The following OR56A3 variants were observed in gnomAD, a reference collection of about 807,000 sequenced individuals.
The protein encoded by OR56A3 is olfactory receptor 56A3.
A neutral mutation model predicts 17.5 loss-of-function variants in OR56A3; 23 were observed. The observed-to-expected ratio is 1.32, with a 90% confidence interval of 0.95 to 1.87. The LOEUF (loss-of-function observed/expected upper bound fraction) is 1.87. Ranked by LOEUF, OR56A3 falls within the 40% of genes most tolerant of loss-of-function variation. The pLI is 0.00. For missense variants in OR56A3, 366 were observed against 380.1 expected, an observed-to-expected ratio of 0.96 and a Z score of 0.31; for synonymous variants, 175 against 150.6, an observed-to-expected ratio of 1.16 and a Z score of -1.19.
chr11:5,974,797 C>T, the OR56A3 span, among the ~76,000 whole-genome samples: 29 of 152,142 alleles, frequency 1.9e-4, no homozygotes, highest in Admixed American at 1.2e-3. Flanking sequence ...TTTAATATGA[C>T]GATAGTAATA....
the OR56A3 span, among the ~76,000 whole-genome samples, chr11:5,966,588 A>T: frequency 1.3e-5 from 2 of 152,100 alleles, no homozygotes; most frequent in African/African-American, 4.8e-5. Flanking sequence ...CTATATACTG[A>T]TCAGAGCATG....
the OR56A3 span, among the ~76,000 whole-genome samples, chr11:5,980,444 G>C: frequency 0.022 from 3,321 of 152,134 alleles, 50 homozygotes; most frequent in South Asian, 0.04. Context: ...GCCCATCTTT[G>C]TCCTCATTGA....
At chr11:5,956,731 A>G in the OR56A3 span, among the ~76,000 whole-genome samples, 1 of 152,108 alleles carries the variant, frequency 6.6e-6, no homozygotes, top group South Asian at 2.1e-4. Context: ...AAAGATACAA[A>G]GATGTTTTGG....
At chr11:5,954,931 A>G (rs1847925100), downstream of OR56A3, among the ~76,000 whole-genome samples, 1 of 152,192 alleles carries the variant, frequency 6.6e-6, no homozygotes, top group Non-Finnish European at 1.5e-5. Context: ...AGCAAAGAAG[A>G]GGGAGCTACA....
At chr11:5,986,349 A>G in the OR56A3 span, 1 of 1,613,872 alleles carries the variant, frequency 6.2e-7, no homozygotes, top group Admixed American at 1.7e-5. Flanking sequence ...CACAATAGGC[A>G]TGGCCTATGA....
the OR56A3 span, among the ~76,000 whole-genome samples, chr11:5,988,868 A>G: frequency 6.6e-6 from 1 of 152,244 alleles, no homozygotes; most frequent in East Asian, 1.9e-4. Flanking sequence ...GTCTTAAAGG[A>G]CAGGCGTAGT....
At chr11:5,985,899 G>A in the OR56A3 span, 5,467 of 1,528,832 alleles carry the variant, frequency 3.6e-3, 153 homozygotes, top group African/African-American at 0.061. Context: ...GCTGTGGTCC[G>A]CAGAAGAAGC....
At chr11:6,012,432 G>C in the OR56A3 span, among the ~76,000 whole-genome samples, 4 of 152,112 alleles carry the variant, frequency 2.6e-5, no homozygotes, top group Non-Finnish European at 2.9e-5. Context: ...ATCAGCAGAG[G>C]GGGTAGCTCC....
the OR56A3 span, among the ~76,000 whole-genome samples, chr11:5,962,559 T>C: frequency 1.4e-5 from 2 of 142,132 alleles, no homozygotes; most frequent in Non-Finnish European, 3.0e-5. Context: ...TGAGACGGAG[T>C]CTCTCTCTGT....
chr11:5,973,094 A>C, the OR56A3 span, among the ~76,000 whole-genome samples: 1 of 152,212 alleles, frequency 6.6e-6, no homozygotes, highest in Non-Finnish European at 1.5e-5. Context: ...ACTGAAATTC[A>C]ACTCCACTAT....
the OR56A3 span, among the ~76,000 whole-genome samples, chr11:5,962,507 G>C: frequency 6.6e-6 from 1 of 150,970 alleles, no homozygotes; most frequent in East Asian, 1.9e-4. Context: ...ATTCATCAGT[G>C]AAGCCATCAG....
the OR56A3 span, chr11:5,999,877 G>A: frequency 6.6e-6 from 1 of 152,204 alleles, no homozygotes; most frequent in Non-Finnish European, 1.5e-5. Context: ...CAAGATGCAA[G>A]AATAATGATT....
chr11:5,972,472 G>A, the OR56A3 span, among the ~76,000 whole-genome samples: 1 of 152,106 alleles, frequency 6.6e-6, no homozygotes, highest in Admixed American at 6.6e-5. Flanking sequence ...AACTCACAGA[G>A]GATACAACAG....
At chr11:5,982,597 T>C in the OR56A3 span, among the ~76,000 whole-genome samples, 26 of 152,220 alleles carry the variant, frequency 1.7e-4, no homozygotes, top group Non-Finnish European at 3.5e-4. Context: ...GATATCCCTG[T>C]TCTCTACAGG....
the OR56A3 span, among the ~76,000 whole-genome samples, chr11:5,984,523 T>C: frequency 6.6e-6 from 1 of 152,184 alleles, no homozygotes; most frequent in South Asian, 2.1e-4. Flanking sequence ...GCTTAGACTC[T>C]CTAGGGTTAA....
chr11:6,020,753 CAG>C, the OR56A3 span: 3 of 152,040 alleles, frequency 2.0e-5, no homozygotes, highest in East Asian at 3.8e-4. Context: ...CATCTGCAAA[CAG>C]AGACAGTTTG....
the OR56A3 span, among the ~76,000 whole-genome samples, chr11:6,011,204 T>TATACATATATATATATATATATA: frequency 8.3e-3 from 1,015 of 122,394 alleles, 19 homozygotes; most frequent in Middle Eastern, 0.03. Flanking sequence ...GAGATTTATT[T>TATACATATATATATATATATATA]TATATATATA....
At chr11:5,955,634 G>A (rs190466802), downstream of OR56A3, among the ~76,000 whole-genome samples, 3 of 152,234 alleles carry the variant, frequency 2.0e-5, no homozygotes, top group Admixed American at 2.0e-4. Context: ...CTTCTGGGGG[G>A]TTACATTCCT....
At chr11:5,987,183 G>T in the OR56A3 span, among the ~76,000 whole-genome samples, 1 of 152,142 alleles carries the variant, frequency 6.6e-6, no homozygotes, top group Non-Finnish European at 1.5e-5. Flanking sequence ...CTATTCAGTT[G>T]CTTATATTTT....
Sources: gnomAD v4.1 joint callset for allele counts (sites outside exome capture counted in the v4.1 genomes callset) on GRCh38, gnomAD v4.1.1 for gene constraint, MANE v1.5 for transcripts, NCBI Gene and HGNC (gene_info 2026-07-23, HGNC 2026-07-21) for gene names.